The following PRRG2 variants were observed in gnomAD, a reference collection of about 807,000 sequenced individuals.
PRRG2 encodes the protein proline rich and Gla domain 2, also known as transmembrane gamma-carboxyglutamic acid protein 2.
PRRG2 carries 23 observed loss-of-function variants against 27.1 expected under a neutral mutation model. The ratio of observed to expected loss-of-function variants is 0.85; its 90% CI spans 0.61 to 1.20. PRRG2 has a LOEUF of 1.20. Ranked by LOEUF, PRRG2 falls within the 50% of genes most tolerant of loss-of-function variation. The pLI is 0.00. For synonymous variants in PRRG2, 104 were observed against 103.4 expected (o/e 1.01, Z -0.03); for missense variants, 276 against 254.8 (o/e 1.08, Z -0.57).
Position 49,589,956 on chromosome 19 carries a change from T to C in PRRG2, c.494T>C (p.Leu165Pro), listed in dbSNP as rs928209566. ...PLNPLGPPTP[L>P]PPPPPPPPGL... ...AACCCTCTGGGCCCACCGACGCCCC[T>C]GCCTCCACCCCCACCCCCACCCCCA... Residue 165 changes from leucine to proline, a missense_variant, in exon 6 of 7, where the codon CTG (leucine) becomes CCG (proline). Coordinates refer to ENST00000246794, the MANE Select transcript of PRRG2 (RefSeq NM_000951.3). 39 of 1,580,434 alleles carry C rather than the reference T, an allele frequency of 2.5e-5. No individual in the cohort carries two copies. The East Asian group carries it at 8.7e-4, about 35-fold the overall frequency.
Position 49,590,521 on chromosome 19 carries a change from C to G in PRRG2, c.*132C>G. On this transcript the variant is annotated 3_prime_UTR_variant, in exon 7 of 7. Coordinates refer to ENST00000246794, the MANE Select transcript of PRRG2 (RefSeq NM_000951.3). ...TGGTGGGAGTAGGGGTCATCCGGCC[C>G]GAGGCCTGCCCTGGCACACGCGTTT... The G allele has an allele frequency of 7.7e-7, 1 of 1,292,664 alleles. No individual in the cohort carries two copies. Among genetic ancestry groups the G allele is most frequent in the Non-Finnish European group, 1.1e-6 (1 of 914,582 alleles). 80.1% of individuals were successfully genotyped at this position (1,292,664 alleles called of 1,614,324 possible). A position where few individuals can be genotyped will look rare whatever the true frequency, so the allele number is the denominator to read the frequency against.
Position 49,590,469 on chromosome 19 carries a change from CG to C in PRRG2, c.*81del. ...TCCGGAAGCCGCTAGGCCTCATAGACGCCGAAGCTGGACTTGGAGTGGGGAA... is the reference window on the plus strand; with the variant it reads ...TCCGGAAGCCGCTAGGCCTCATAGACCCGAAGCTGGACTTGGAGTGGGGAA... On this transcript the variant is annotated 3_prime_UTR_variant, in exon 7 of 7. Coordinates refer to ENST00000246794, the MANE Select transcript of PRRG2 (RefSeq NM_000951.3). 6.3e-7 allele frequency: 1 copy of C among 1,585,592 alleles called. No homozygotes were observed. Among genetic ancestry groups the C allele is most frequent in the Non-Finnish European group, 8.6e-7 (1 of 1,157,440 alleles).
In PRRG2 at chr19:49,588,607, C is replaced by A. The variant is rs773057537; in HGVS notation, c.412C>A (p.Arg138=). 6.5e-7 allele frequency: 1 copy of A among 1,545,496 alleles called. No homozygotes were observed. The highest frequency in any genetic ancestry group is 1.2e-5 in the South Asian group (1 of 83,780). The change falls in exon 5 of 7, where the codon CGA becomes AGA. Residue 138 remains arginine (R), a synonymous_variant. Transcript: ENST00000246794. The part of the protein sequence containing the change: ...AFWYLRWRQH[R]GQQPCPQEAG... ...TTGGTATCTGCGCTGGCGACAGCAC[C>A]GAGGCCAGCAGCCCTGTCCCCAAGA...
At chr19:49,588,681 G>A (rs959540454) in intron 5 of PRRG2, 49 bp downstream of exon 5, 14 of 1,499,024 alleles carry the variant, frequency 9.3e-6, no homozygotes, top group Admixed American at 7.5e-5. Context: ...GCAGGGGAGG[G>A]AGGAAGCATT....
intron 1 of PRRG2, 34 bp downstream of exon 1, chr19:49,581,515 T>G (rs1187489164): frequency 6.6e-6 from 1 of 152,162 alleles, no homozygotes; most frequent in African/African-American, 2.4e-5. Flanking sequence ...GAGCCTGGCT[T>G]GGGGACCCAG....
chr19:49,589,954 C>CCAGG lies in PRRG2; in HGVS notation c.493_494insAGGC (p.Leu165GlnfsTer16). ...TGAACCCTCTGGGCCCACCGACGCC[C>CCAGG]CTGCCTCCACCCCCACCCCCACCCC... On this transcript the variant is annotated frameshift_variant, in exon 6 of 7. Coordinates refer to ENST00000246794, the MANE Select transcript of PRRG2 (RefSeq NM_000951.3). LOFTEE classifies it high-confidence loss of function. 6.3e-7 allele frequency: 1 copy of CCAGG among 1,599,586 alleles called. No homozygotes were observed.
intron 5 of PRRG2, among the ~76,000 whole-genome samples, chr19:49,589,248 C>T (rs1042483792): frequency 2.0e-5 from 3 of 151,440 alleles, no homozygotes; most frequent in African/African-American, 7.3e-5. Flanking sequence ...CTGCCTCAGC[C>T]TCCAGTGTAG....
intron 2 of PRRG2, 58 bp from the exon 3 acceptor site, chr19:49,583,484 C>T: frequency 1.3e-6 from 2 of 1,588,164 alleles, no homozygotes; most frequent in East Asian, 2.2e-5. Context: ...TTCCATCCCC[C>T]TATGACTCCA....
In PRRG2 at chr19:49,583,532, T is replaced by C; in HGVS notation, c.86-10T>C. 1 of 1,613,504 alleles carries C rather than the reference T, an allele frequency of 6.2e-7. No homozygotes were observed. The highest frequency in any genetic ancestry group is 1.1e-5 in the South Asian group (1 of 91,072). ...CTCCATTTTTCTGTCCCTCATGTCT[T>C]TGGGTCCAGAAGTCTTCCTGGGTCC... is the stretch of plus-strand genomic sequence containing the variant. On this transcript the variant is annotated splice_polypyrimidine_tract_variant and intron_variant, in intron 2 of 6. Transcript: ENST00000246794.
At chr19:49,581,836 A>AC (rs2080626286) in intron 1 of PRRG2, among the ~76,000 whole-genome samples, 1 of 152,148 alleles carries the variant, frequency 6.6e-6, no homozygotes, top group Non-Finnish European at 1.5e-5. Context: ...TCTCTGGCGG[A>AC]CACTGCCTTC....
In PRRG2 at chr19:49,589,953, C is replaced by G. The variant is rs2080703286; in HGVS notation, c.491C>G (p.Pro164Arg). The G allele has an allele frequency of 6.2e-7, 1 of 1,606,058 alleles. No homozygotes were observed. The highest frequency in any genetic ancestry group is 1.3e-5 in the African/African-American group (1 of 74,664). Residue 164 changes from proline to arginine, a missense_variant, in exon 6 of 7, where the codon CCC (proline) becomes CGC (arginine). Transcript: ENST00000246794. ...SPLNPLGPPT[P>R]LPPPPPPPPG... ...TTGAACCCTCTGGGCCCACCGACGC[C>G]CCTGCCTCCACCCCCACCCCCACCC...
At chr19:49,587,193 G>A (rs1461572328) in intron 4 of PRRG2, among the ~76,000 whole-genome samples, 1 of 149,658 alleles carries the variant, frequency 6.7e-6, no homozygotes, top group East Asian at 1.9e-4. Context: ...GCCTCCCTAT[G>A]TTGCCCAGGC....
Position 49,589,977 on chromosome 19 carries a change from C to A in PRRG2, c.515C>A (p.Pro172His). ...PTPLPPPPPP[P>H]PGLPTYEQAL... ...CCCCTGCCTCCACCCCCACCCCCAC[C>A]CCCAGGCCTCCCCACCTATGAGCAG... is the stretch of plus-strand genomic sequence containing the variant. Residue 172 changes from proline (P) to histidine (H), a missense_variant, in exon 6 of 7, where the codon CCC becomes CAC. Coordinates refer to ENST00000246794, the MANE Select transcript of PRRG2 (RefSeq NM_000951.3). 1 of 1,538,124 alleles carries A rather than the reference C, an allele frequency of 6.5e-7. No homozygotes were observed. Among genetic ancestry groups the A allele is most frequent in the East Asian group, 2.4e-5 (1 of 41,374 alleles).
chr19:49,587,918 C>T (rs2080683309), intron 4 of PRRG2, among the ~76,000 whole-genome samples: 1 of 151,740 alleles, frequency 6.6e-6, no homozygotes, highest in African/African-American at 2.4e-5. Context: ...CACACCTGGC[C>T]AGGACATAGT....
chr19:49,588,744 C>T (rs943985734), intron 5 of PRRG2, 112 bp downstream of exon 5: 1 of 1,307,442 alleles, frequency 7.6e-7, no homozygotes, highest in Non-Finnish European at 1.0e-6. Context: ...GATGAAAGAC[C>T]TAAGGACACA....
intron 1 of PRRG2, among the ~76,000 whole-genome samples, chr19:49,582,884 T>G (rs1361271276): frequency 6.7e-6 from 1 of 148,186 alleles, no homozygotes; most frequent in Non-Finnish European, 1.5e-5. Context: ...AAAAGAAAAT[T>G]AGCGGGTGTG....
chr19:49,581,232 G>A (rs2080620235), upstream of PRRG2: 7 of 152,174 alleles, frequency 4.6e-5, no homozygotes, highest in Admixed American at 4.6e-4. Context: ...TCCTCATGGA[G>A]CTCTGGCCTT....
In PRRG2 at chr19:49,583,300, C is replaced by G; in HGVS notation, c.81C>G (p.Asp27Glu). The change falls in exon 2 of 7, where the codon GAC (aspartate) becomes GAG (glutamate). Residue 27 changes from aspartate to glutamate, a missense_variant. Coordinates refer to ENST00000246794, the MANE Select transcript of PRRG2 (RefSeq NM_000951.3). Reference sequence around the variant, plus strand: ...ATACTTCACCCAGTGAGGAGACAGACCAAGGTGAGTGTTTGGGGGAAGTGG... The same window carrying G: ...ATACTTCACCCAGTGAGGAGACAGAGCAAGGTGAGTGTTTGGGGGAAGTGG... ...CLDTSPSEETDQEVFLGPPEA... is the reference protein window; with the variant it reads ...CLDTSPSEETEQEVFLGPPEA... 1.2e-6 allele frequency: 2 copies of G among 1,613,962 alleles called. No homozygotes were observed. Among genetic ancestry groups the G allele is most frequent in the South Asian group, 1.1e-5 (1 of 91,074 alleles).
chr19:49,588,447 G>A, intron 4 of PRRG2, 50 bp from the exon 5 acceptor site: 1 of 1,547,192 alleles, frequency 6.5e-7, no homozygotes, highest in Non-Finnish European at 8.7e-7. Flanking sequence ...TGATGTTGGG[G>A]TGGGTGGCAG....
Sources: allele counts gnomAD v4.1 joint callset (sites outside exome capture counted in the v4.1 genomes callset), GRCh38; gene constraint gnomAD v4.1.1; transcripts MANE v1.5; gene names NCBI Gene and HGNC (gene_info 2026-07-23, HGNC 2026-07-21).